GAB1: variants seen among roughly 807,000 people sequenced by gnomAD.
GAB1 encodes GRB2-associated-binding protein 1.
Under a neutral mutation model 66.5 loss-of-function variants are expected in GAB1, and 19 were observed. The ratio of observed to expected loss-of-function variants is 0.29; its 90% CI spans 0.20 to 0.42. The LOEUF is 0.42. Among genes scored for constraint, GAB1 ranks in the 10% least tolerant of loss-of-function variants. The probability of loss-of-function intolerance (pLI) is 1.00; values close to 1 mark genes in which losing one functional copy is unlikely to be tolerated. For synonymous variants in GAB1, 294 were observed against 301.4 expected, an observed-to-expected ratio of 0.98 and a Z score of 0.25; for missense variants, 732 against 858.5, an observed-to-expected ratio of 0.85 and a Z score of 1.84.
chr4:143,383,791 T>C (rs1730761498), intron 1 of GAB1, among the ~76,000 whole-genome samples: 1 of 152,190 alleles, frequency 6.6e-6, no homozygotes, highest in Non-Finnish European at 1.5e-5. Flanking sequence ...ATATGCCAAA[T>C]AGTCTTGGCA....
At chr4:143,455,018 T>C (rs888169301) in intron 6 of GAB1, among the ~76,000 whole-genome samples, 3 of 152,162 alleles carry the variant, frequency 2.0e-5, no homozygotes, top group African/African-American at 7.2e-5. Flanking sequence ...TCATAGGCCG[T>C]GATCATTCTG....
chr4:143,339,577 G>A (rs1728762308), intron 1 of GAB1, among the ~76,000 whole-genome samples: 1 of 152,224 alleles, frequency 6.6e-6, no homozygotes, highest in Non-Finnish European at 1.5e-5. Flanking sequence ...AATATTAGTT[G>A]AGAATACAAG....
chr4:143,414,042 C>T (rs1441661984), intron 1 of GAB1, among the ~76,000 whole-genome samples: 5 of 151,796 alleles, frequency 3.3e-5, no homozygotes, highest in Admixed American at 2.6e-4. Context: ...AGGCTGGTCT[C>T]GAACTCCTGA....
At chr4:143,423,817 T>C (rs1357347375) in intron 2 of GAB1, among the ~76,000 whole-genome samples, 56 of 131,158 alleles carry the variant, frequency 4.3e-4, no homozygotes, top group African/African-American at 6.7e-4. Flanking sequence ...TATATATATA[T>C]ATATATATAT....
intron 8 of GAB1, among the ~76,000 whole-genome samples, chr4:143,464,519 C>T (rs1000612534): frequency 1.3e-5 from 2 of 152,086 alleles, no homozygotes; most frequent in Non-Finnish European, 2.9e-5. Context: ...CCTGAGCCAC[C>T]GCGCCTAGCC....
At position 143,469,769 on chromosome 4, in the gene GAB1, G is replaced by A. The variant is rs1735991555; in HGVS notation, c.*580G>A. 6.6e-6 allele frequency: 1 copy of A among 152,554 alleles called. No homozygotes were observed. Among genetic ancestry groups the A allele is most frequent in the Non-Finnish European group, 1.5e-5 (1 of 68,056 alleles). The allele number at this position is 152,554 out of a possible 1,614,324, so 9.5% of individuals were successfully genotyped here. On this transcript the variant is annotated 3_prime_UTR_variant, in exon 10 of 10. Coordinates refer to ENST00000262994, the MANE Select transcript of GAB1 (RefSeq NM_002039.4). ...TACTGGTGTCAGGACCTAGTTCTCTGGTTAATGTACATTTAGTTTTTAATG... is the reference window on the plus strand; with the variant it reads ...TACTGGTGTCAGGACCTAGTTCTCTAGTTAATGTACATTTAGTTTTTAATG...
In GAB1 at chr4:143,438,618, T is replaced by A. The variant is rs1237825356; in HGVS notation, c.1195+18T>A. 6.2e-7 allele frequency: 1 copy of A among 1,604,946 alleles called. No homozygotes were observed. The highest frequency in any genetic ancestry group is 1.7e-5 in the Admixed American group (1 of 58,644). ...GCGAAAAGGTCAGCTCTAGTTGACT[T>A]CTTCTCTATTAGAGGTTAATGATAG... On this transcript the variant is annotated intron_variant, in intron 4 of 9. Transcript: ENST00000262994.
chr4:143,357,531 T>A (rs550995123), intron 1 of GAB1, among the ~76,000 whole-genome samples: 1 of 152,248 alleles, frequency 6.6e-6, no homozygotes, highest in Non-Finnish European at 1.5e-5. Flanking sequence ...ACCAGGGAAC[T>A]CTTTGAAAAT....
intron 1 of GAB1, among the ~76,000 whole-genome samples, chr4:143,346,475 G>A (rs1728995274): frequency 6.6e-6 from 1 of 152,162 alleles, no homozygotes; most frequent in African/African-American, 2.4e-5. Context: ...GAGTTGCCAA[G>A]ACTAAGGTGC....
intron 1 of GAB1, among the ~76,000 whole-genome samples, chr4:143,360,973 A>G (rs1581226289): frequency 6.6e-6 from 1 of 152,164 alleles, no homozygotes; most frequent in Admixed American, 6.5e-5. Flanking sequence ...TTTAATTTCT[A>G]CCTCATCCTT....
intron 1 of GAB1, among the ~76,000 whole-genome samples, chr4:143,374,834 T>C (rs547765193): frequency 6.6e-6 from 1 of 152,350 alleles, no homozygotes; most frequent in East Asian, 1.9e-4. Context: ...GTTGTTCCCA[T>C]TGTGCAGTTA....
intron 1 of GAB1, among the ~76,000 whole-genome samples, chr4:143,348,187 C>T (rs138770033): frequency 2.3e-4 from 35 of 152,336 alleles, no homozygotes; most frequent in African/African-American, 8.2e-4. Flanking sequence ...TGGATGTTTT[C>T]TGACCTTTAA....
intron 3 of GAB1, 97 bp downstream of exon 3, chr4:143,433,813 C>A: frequency 1.0e-6 from 1 of 998,532 alleles, no homozygotes; most frequent in South Asian, 1.5e-5. Flanking sequence ...TTTCGATTTG[C>A]AGGCTTGAAA....
At chr4:143,354,919 A>G (rs1415284754) in intron 1 of GAB1, among the ~76,000 whole-genome samples, 3 of 152,240 alleles carry the variant, frequency 2.0e-5, no homozygotes, top group African/African-American at 7.2e-5. Flanking sequence ...TGAGAAGCCC[A>G]TGCTTTTACT....
intron 6 of GAB1, chr4:143,457,748 G>A: frequency 6.3e-7 from 1 of 1,575,310 alleles, no homozygotes; most frequent in Non-Finnish European, 8.6e-7. Context: ...AACCATAGGT[G>A]ACTTTGCTAC....
At position 143,415,623 on chromosome 4, in the gene GAB1, A is replaced by C. The variant is rs767462750; in HGVS notation, c.219A>C (p.Thr73=). The C allele has an allele frequency of 1.9e-6, 3 of 1,614,112 alleles. No homozygotes were observed. The highest frequency in any genetic ancestry group is 2.2e-5 in the South Asian group (2 of 91,086). Residue 73 remains threonine (T), a synonymous_variant, in exon 2 of 10, where the codon ACA becomes ACC. Transcript: ENST00000262994. The part of the protein sequence containing the change: ...NLCQQVDAGL[T]FNKKEFENSY... ...GTCAACAAGTAGATGCTGGATTGAC[A>C]TTTAACAAAAAAGAGTTTGAAAACA...
chr4:143,462,911 C>G (rs1322892909), intron 8 of GAB1, among the ~76,000 whole-genome samples: 1 of 152,200 alleles, frequency 6.6e-6, no homozygotes, highest in Non-Finnish European at 1.5e-5. Context: ...ATCTGCCTGC[C>G]TTGGCTTCCC....
Position 143,437,982 on chromosome 4 carries a change from TAAC to T in GAB1, c.594-14_594-12del, listed in dbSNP as rs1560769568. On this transcript the variant is annotated splice_polypyrimidine_tract_variant and intron_variant, in intron 3 of 9. Transcript: ENST00000262994. ...GTCTCCACCTTGTTTATTCTGTCAT[TAAC>T]AATTTTTATTTAGAACGCATGCTGA... 1 of 1,597,174 alleles carries T rather than the reference TAAC, an allele frequency of 6.3e-7. No homozygotes were observed. Among genetic ancestry groups the T allele is most frequent in the East Asian group, 2.2e-5 (1 of 44,672 alleles).
At chr4:143,418,882 T>C (rs765157750) in intron 2 of GAB1, among the ~76,000 whole-genome samples, 18 of 152,296 alleles carry the variant, frequency 1.2e-4, no homozygotes, top group Non-Finnish European at 1.8e-4. Context: ...AGGCACAGCG[T>C]CTTGTCTATT....
Sources: allele counts gnomAD v4.1 joint callset (sites outside exome capture counted in the v4.1 genomes callset), GRCh38; gene constraint gnomAD v4.1.1; transcripts MANE v1.5; gene names NCBI Gene and HGNC (gene_info 2026-07-23, HGNC 2026-07-21).